Variants in ACER3 observed in about 807,000 individuals in gnomAD.
The protein encoded by ACER3 is alkCDase 3.
A neutral mutation model predicts 48.9 loss-of-function variants in ACER3; 16 were observed. The ratio of observed to expected loss-of-function variants is 0.33; its 90% CI spans 0.22 to 0.50. The LOEUF is 0.50. ACER3 is among the 20% of genes least tolerant of loss of function. ACER3 has a pLI of 0.98. For missense variants in ACER3, 227 were observed against 326.0 expected, an observed-to-expected ratio of 0.70 and a Z score of 2.34; for synonymous variants, 109 against 107.8, an observed-to-expected ratio of 1.01 and a Z score of -0.07.
At chr11:76,865,502 T>G (rs1249055249) in intron 1 of ACER3, among the ~76,000 whole-genome samples, 1 of 150,944 alleles carries the variant, frequency 6.6e-6, no homozygotes, top group Non-Finnish European at 1.5e-5. Flanking sequence ...TCTGAATTCC[T>G]CAGATTGCAT....
chr11:76,992,314 C>A (rs1948821297), intron 6 of ACER3, among the ~76,000 whole-genome samples: 1 of 152,094 alleles, frequency 6.6e-6, no homozygotes, highest in Non-Finnish European at 1.5e-5. Context: ...ATAATGACCA[C>A]AAAAATATAA....
chr11:76,967,203 T>C (rs1400203524), intron 3 of ACER3, among the ~76,000 whole-genome samples: 1 of 151,924 alleles, frequency 6.6e-6, no homozygotes, highest in Admixed American at 6.6e-5. Context: ...AACTAGAAAA[T>C]CTAGAAGAAA....
chr11:76,998,748 T>C lies in ACER3; in HGVS notation c.439-15T>C, dbSNP rs1555019144. 1.9e-6 allele frequency: 3 copies of C among 1,582,322 alleles called. No homozygotes were observed. The Admixed American group carries it at 5.5e-5, about 29-fold the overall frequency. On this transcript the variant is annotated splice_polypyrimidine_tract_variant and intron_variant, in intron 6 of 10. Transcript: ENST00000532485. ...AATAATGATTGTACTAACCTCATTT[T>C]CCGTTCCTATTTAGGTCATGTATGG...
At chr11:76,899,795 A>T (rs1043781820) in intron 1 of ACER3, among the ~76,000 whole-genome samples, 1 of 151,952 alleles carries the variant, frequency 6.6e-6, no homozygotes, top group African/African-American at 2.4e-5. Flanking sequence ...GTTCTTTCCT[A>T]TTTTTGCACA....
At chr11:76,954,208 A>T (rs1947771559) in intron 2 of ACER3, among the ~76,000 whole-genome samples, 1 of 152,120 alleles carries the variant, frequency 6.6e-6, no homozygotes, top group Non-Finnish European at 1.5e-5. Context: ...CGGCCTCCCA[A>T]AGTGCTGGGA....
intron 8 of ACER3, among the ~76,000 whole-genome samples, chr11:77,015,981 C>G (rs964306534): frequency 2.0e-5 from 3 of 152,000 alleles, no homozygotes; most frequent in African/African-American, 7.2e-5. Context: ...GTGACGTGTG[C>G]CTGTAATCCC....
intron 2 of ACER3, among the ~76,000 whole-genome samples, chr11:76,958,000 T>G (rs10793218): frequency 0.57 from 85,577 of 150,516 alleles, 27,503 homozygotes; most frequent in Non-Finnish European, 0.73. Context: ...CTCACTATGT[T>G]GCCCAGGCTG....
rs569830981 is a variant in ACER3 at position 76,889,796 on chromosome 11, CT to C, written c.103+28723del. ...TTATTTCTTTTTCCTTCTAAATTTA[CT>C]TTTTTGTATGTTTAATTATTCTATT... On this transcript the variant is annotated intron_variant, in intron 1 of 10. Transcript: ENST00000532485. Among the ~76,000 whole-genome samples, 231 of 151,874 alleles carry C rather than the reference CT, an allele frequency of 1.5e-3. 1 individual carries two copies. In the Middle Eastern group the frequency reaches 0.051, roughly 34 times the overall value.
At chr11:76,888,365 C>A (rs190790218) in intron 1 of ACER3, among the ~76,000 whole-genome samples, 17 of 152,140 alleles carry the variant, frequency 1.1e-4, no homozygotes, top group Non-Finnish European at 8.8e-5. Context: ...TATTTTTTCC[C>A]CAGTCTCTTA....
intron 7 of ACER3, among the ~76,000 whole-genome samples, chr11:77,001,627 T>C (rs1219711876): frequency 6.6e-6 from 1 of 152,216 alleles, no homozygotes; most frequent in Non-Finnish European, 1.5e-5. Flanking sequence ...TGTGTGCTTT[T>C]TAGTTCCTTT....
chr11:76,885,293 T>A lies in ACER3; in HGVS notation c.103+24214T>A, dbSNP rs182184351. ...GTCATGAAGGAAGAAGTTTTTTTTT[T>A]AAATTTTACTGTAAGTTCTGGGATA... On this transcript the variant is annotated intron_variant, in intron 1 of 10. Transcript: ENST00000532485. 1.7e-3 allele frequency among the ~76,000 whole-genome samples: 260 copies of A among 152,170 alleles called. 1 individual carries two copies. The highest frequency in any genetic ancestry group is 2.3e-3 in the African/African-American group (96 of 41,528).
intron 4 of ACER3, among the ~76,000 whole-genome samples, chr11:76,980,321 T>C (rs1162827430): frequency 1.3e-5 from 2 of 152,174 alleles, no homozygotes; most frequent in Non-Finnish European, 2.9e-5. Flanking sequence ...GAGCTAGCAA[T>C]TATGACTATA....
At chr11:76,984,244 A>G (rs992714647) in intron 4 of ACER3, among the ~76,000 whole-genome samples, 3 of 152,230 alleles carry the variant, frequency 2.0e-5, no homozygotes, top group Admixed American at 6.5e-5. Flanking sequence ...GAAAGTGACT[A>G]TATGTAATAA....
At chr11:76,882,450 T>C (rs1019716345) in intron 1 of ACER3, among the ~76,000 whole-genome samples, 31 of 152,310 alleles carry the variant, frequency 2.0e-4, no homozygotes, top group African/African-American at 7.0e-4. Flanking sequence ...GTATTTTCAG[T>C]TGTAGAGTGT....
chr11:76,880,229 C>T (rs957167587), intron 1 of ACER3, among the ~76,000 whole-genome samples: 11 of 152,032 alleles, frequency 7.2e-5, no homozygotes, highest in African/African-American at 2.2e-4. Context: ...TTTCATGAGA[C>T]GGAAGCTTAA....
intron 2 of ACER3, among the ~76,000 whole-genome samples, chr11:76,933,457 A>G (rs1165082236): frequency 6.7e-6 from 1 of 149,418 alleles, no homozygotes; most frequent in African/African-American, 2.4e-5. Context: ...GTCCCTGGGT[A>G]CTTGAGATTA....
At chr11:76,961,920 G>A (rs547926505) in intron 3 of ACER3, among the ~76,000 whole-genome samples, 1 of 150,700 alleles carries the variant, frequency 6.6e-6, no homozygotes, top group Non-Finnish European at 1.5e-5. Flanking sequence ...TACCTTTACA[G>A]TGGAGAAGCC....
At chr11:76,984,345 A>G (rs10899340) in intron 4 of ACER3, among the ~76,000 whole-genome samples, 108,140 of 152,140 alleles carry the variant, frequency 0.71, 38,841 homozygotes, top group Non-Finnish European at 0.77. Flanking sequence ...TTGGAATAAT[A>G]GAGTTTAAAA....
chr11:76,891,913 G>C (rs1945815513), intron 1 of ACER3, among the ~76,000 whole-genome samples: 1 of 152,180 alleles, frequency 6.6e-6, no homozygotes, highest in Admixed American at 6.5e-5. Context: ...TATATAGTTG[G>C]ATTGCCTCTT....
Sources: allele counts gnomAD v4.1 joint callset (sites outside exome capture counted in the v4.1 genomes callset), GRCh38; gene constraint gnomAD v4.1.1; transcripts MANE v1.5; gene names NCBI Gene and HGNC (gene_info 2026-07-23, HGNC 2026-07-21).